Variants in LRRIQ1 observed in about 807,000 individuals in gnomAD.
LRRIQ1 encodes leucine-rich repeat- and IQ domain-containing protein 1.
A neutral mutation model predicts 211.9 loss-of-function variants in LRRIQ1; 210 were observed. That is an observed-to-expected ratio of 0.99 (90% CI 0.89 to 1.11). The LOEUF is 1.11. Ranked by LOEUF, LRRIQ1 falls within the 50% of genes most tolerant of loss-of-function variation. The pLI, the probability that LRRIQ1 is intolerant of heterozygous loss-of-function variation, is 0.00. For synonymous variants in LRRIQ1, 699 were observed against 650.1 expected (o/e 1.08, Z -1.14); for missense variants, 2,136 against 1,939.5 (o/e 1.10, Z -1.90).
intron 24 of LRRIQ1, among the ~76,000 whole-genome samples, chr12:85,191,559 C>T (rs1892512998): frequency 6.6e-6 from 1 of 151,944 alleles, no homozygotes; most frequent in African/African-American, 2.4e-5. Flanking sequence ...TTTATGTAAC[C>T]ATCCACCTAC....
At chr12:85,079,606 T>G (rs1044059686) in intron 11 of LRRIQ1, among the ~76,000 whole-genome samples, 1 of 152,154 alleles carries the variant, frequency 6.6e-6, no homozygotes, top group Non-Finnish European at 1.5e-5. Flanking sequence ...ATTTGTTGAT[T>G]TTGTTATTGC....
At chr12:85,225,176 T>G (rs746967276) in intron 24 of LRRIQ1, among the ~76,000 whole-genome samples, 1 of 152,134 alleles carries the variant, frequency 6.6e-6, no homozygotes, top group African/African-American at 2.4e-5. Context: ...TATAACAGTT[T>G]ATATTATATT....
At chr12:85,270,960 C>T in the LRRIQ1 span, among the ~76,000 whole-genome samples, 2 of 152,042 alleles carry the variant, frequency 1.3e-5, no homozygotes, top group Non-Finnish European at 2.9e-5. Flanking sequence ...AGTGTGTAAC[C>T]AGTTAGCCAA....
At chr12:85,137,415 T>G (rs1030954061) in intron 18 of LRRIQ1, among the ~76,000 whole-genome samples, 7 of 151,700 alleles carry the variant, frequency 4.6e-5, no homozygotes, top group Non-Finnish European at 7.4e-5. Flanking sequence ...TTCATCATTA[T>G]AGGCCATAAT....
intron 24 of LRRIQ1, among the ~76,000 whole-genome samples, chr12:85,191,194 A>G (rs529479021): frequency 6.6e-6 from 1 of 152,080 alleles, no homozygotes; most frequent in African/African-American, 2.4e-5. Flanking sequence ...CATAGTTTAC[A>G]TTAGATCTCA....
At chr12:85,119,119 T>C (rs1290492069) in intron 15 of LRRIQ1, among the ~76,000 whole-genome samples, 1 of 152,182 alleles carries the variant, frequency 6.6e-6, no homozygotes, top group Admixed American at 6.5e-5. Flanking sequence ...TATTGTAGTA[T>C]GATAAACTAT....
At chr12:85,208,697 CAATG>C (rs1893685542) in intron 24 of LRRIQ1, among the ~76,000 whole-genome samples, 2 of 152,042 alleles carry the variant, frequency 1.3e-5, no homozygotes, top group Non-Finnish European at 2.9e-5. Flanking sequence ...ATTACAAACT[CAATG>C]GATGGATTAA....
At chr12:85,173,476 A>G (rs1891517661) in intron 24 of LRRIQ1, among the ~76,000 whole-genome samples, 1 of 152,158 alleles carries the variant, frequency 6.6e-6, no homozygotes, top group African/African-American at 2.4e-5. Context: ...TCCAATGTCA[A>G]GGTTCTAGCT....
rs181825485 is a variant in LRRIQ1 at position 85,092,648 on chromosome 12, T to A, written c.2888-5707T>A. On this transcript the variant is annotated intron_variant, in intron 11 of 26. Transcript: ENST00000393217. ...AGTCCATTTTGTATAATATTTGGCA[T>A]CTGGCTATACAATGAACCCATGAAA... Among the ~76,000 whole-genome samples the A allele has an allele frequency of 1.6e-3, 242 of 152,318 alleles. 1 individual carries two copies. The highest frequency in any genetic ancestry group is 5.5e-3 in the African/African-American group (228 of 41,588).
intron 9 of LRRIQ1, 101 bp downstream of exon 9, chr12:85,065,515 C>A: frequency 1.0e-6 from 1 of 955,744 alleles, no homozygotes; most frequent in African/African-American, 1.7e-5. Flanking sequence ...AATTACTAAA[C>A]TAACCTGTAA....
chr12:85,261,856 C>G (rs1214789062), intron 1 of LRRIQ1, among the ~76,000 whole-genome samples: 1 of 151,852 alleles, frequency 6.6e-6, no homozygotes, highest in Admixed American at 6.6e-5. Context: ...ATGGCACGAT[C>G]TCGGCTCACC....
At chr12:85,044,015 C>T (rs1879227428) in intron 3 of LRRIQ1, among the ~76,000 whole-genome samples, 1 of 152,098 alleles carries the variant, frequency 6.6e-6, no homozygotes, top group South Asian at 2.1e-4. Flanking sequence ...TGGATGATGT[C>T]ATTTTTTTCT....
At chr12:85,042,853 T>C (rs1278771060) in intron 3 of LRRIQ1, among the ~76,000 whole-genome samples, 1 of 152,104 alleles carries the variant, frequency 6.6e-6, no homozygotes, top group Non-Finnish European at 1.5e-5. Flanking sequence ...TTCTAAAAGC[T>C]ATATATTTCA....
Position 85,116,009 on chromosome 12 carries a change from T to C in LRRIQ1, c.3378-5688T>C, listed in dbSNP as rs542448642. Among the ~76,000 whole-genome samples, 15 of 152,356 alleles carry C rather than the reference T, an allele frequency of 9.8e-5. No homozygotes were observed. In the South Asian group the frequency reaches 1.7e-3, roughly 17 times the overall value. On this transcript the variant is annotated intron_variant, in intron 15 of 26. Transcript: ENST00000393217. Reference sequence around the variant, plus strand: ...TCTAAATTCAGAGTTCCAGGAATACTGTTCTAAGACACGGTCATACTCTTT... The same window carrying C: ...TCTAAATTCAGAGTTCCAGGAATACCGTTCTAAGACACGGTCATACTCTTT...
At chr12:85,083,173 T>C (rs1265188508) in intron 11 of LRRIQ1, among the ~76,000 whole-genome samples, 1 of 152,174 alleles carries the variant, frequency 6.6e-6, no homozygotes, top group Non-Finnish European at 1.5e-5. Context: ...GAATTTTGTT[T>C]CCTTAAGTTC....
intron 19 of LRRIQ1, among the ~76,000 whole-genome samples, chr12:85,142,919 A>G (rs1424925901): frequency 6.6e-6 from 1 of 151,618 alleles, no homozygotes; most frequent in Non-Finnish European, 1.5e-5. Flanking sequence ...GAGTGAAGAC[A>G]ACGATACAGA....
chr12:85,106,524 C>G lies in LRRIQ1; in HGVS notation c.3286C>G (p.Leu1096Val). The change falls in exon 15 of 27, where the codon CTT (leucine) becomes GTT (valine). Residue 1096 changes from leucine (L) to valine (V), a missense_variant and splice_region_variant. Leu to Val is a conservative substitution (Grantham distance 32). Transcript: ENST00000393217. ...LDVSHNCLSDLKSAIKWFDAC... is the reference protein window; with the variant it reads ...LDVSHNCLSDVKSAIKWFDAC... Reference sequence around the variant, plus strand: ...CAAAATGATTTTATTTTCTGTAGATCTTAAAAGTGCCATAAAATGGTTTGA... The same window carrying G: ...CAAAATGATTTTATTTTCTGTAGATGTTAAAAGTGCCATAAAATGGTTTGA... The G allele has an allele frequency of 1.3e-6, 2 of 1,598,422 alleles. No individual in the cohort carries two copies. Among genetic ancestry groups the G allele is most frequent in the Non-Finnish European group, 1.7e-6 (2 of 1,167,958 alleles).
At chr12:85,217,720 G>A (rs1343734727) in intron 24 of LRRIQ1, among the ~76,000 whole-genome samples, 1 of 131,556 alleles carries the variant, frequency 7.6e-6, no homozygotes, top group Non-Finnish European at 1.5e-5. Context: ...GTGTATATAT[G>A]TATATATGTG....
chr12:85,153,965 T>C, intron 22 of LRRIQ1, 47 bp from the exon 23 acceptor site: 2 of 1,269,604 alleles, frequency 1.6e-6, no homozygotes, highest in Non-Finnish European at 2.2e-6. Context: ...TATCTAAATA[T>C]GATCCGGGTA....
Sources: allele counts gnomAD v4.1 joint callset (sites outside exome capture counted in the v4.1 genomes callset), GRCh38; gene constraint gnomAD v4.1.1; transcripts MANE v1.5; gene names NCBI Gene and HGNC (gene_info 2026-07-23, HGNC 2026-07-21).